Variants in ANKRD55 observed in about 807,000 individuals in gnomAD.
The protein encoded by ANKRD55 is ankyrin repeat domain 55.
ANKRD55 carries 41 observed loss-of-function variants against 60.6 expected under a neutral mutation model. The observed-to-expected ratio is 0.68, with a 90% CI of 0.53 to 0.88. The LOEUF (loss-of-function observed/expected upper bound fraction) is 0.88. ANKRD55 is among the 40% of genes least tolerant of loss of function. The probability of loss-of-function intolerance (pLI) is 0.00; values close to 1 mark genes in which losing one functional copy is unlikely to be tolerated. For synonymous variants in ANKRD55, 264 were observed against 290.3 expected (o/e 0.91, Z 0.92); for missense variants, 732 against 767.6 (o/e 0.95, Z 0.55).
chr5:56,131,461 G>A (rs867098541), intron 7 of ANKRD55, among the ~76,000 whole-genome samples: 1 of 152,044 alleles, frequency 6.6e-6, no homozygotes, highest in Non-Finnish European at 1.5e-5. Context: ...CAAAAATTGA[G>A]GGAATTTGTT....
At chr5:56,119,964 C>T (rs73126470) in intron 8 of ANKRD55, among the ~76,000 whole-genome samples, 4,746 of 151,862 alleles carry the variant, frequency 0.031, 254 homozygotes, top group African/African-American at 0.11. Flanking sequence ...TGTCTATATG[C>T]GTATTTTGGT....
At chr5:56,227,852 A>G (rs1760158067) in intron 2 of ANKRD55, among the ~76,000 whole-genome samples, 1 of 152,210 alleles carries the variant, frequency 6.6e-6, no homozygotes, top group Non-Finnish European at 1.5e-5. Context: ...TCCTTAGGAC[A>G]GAGCCTGGAT....
intron 2 of ANKRD55, among the ~76,000 whole-genome samples, chr5:56,209,518 G>A (rs1307089835): frequency 2.7e-5 from 4 of 148,966 alleles, no homozygotes; most frequent in African/African-American, 9.9e-5. Context: ...CCAGGCCAGA[G>A]TGCAGTGGTG....
At chr5:56,145,989 G>C (rs1405673505) in intron 6 of ANKRD55, among the ~76,000 whole-genome samples, 1 of 152,126 alleles carries the variant, frequency 6.6e-6, no homozygotes, top group Non-Finnish European at 1.5e-5. Flanking sequence ...ACTGGGGTTA[G>C]AAATCTAACA....
chr5:56,130,469 C>T (rs1359256810), intron 7 of ANKRD55, among the ~76,000 whole-genome samples: 1 of 152,152 alleles, frequency 6.6e-6, no homozygotes, highest in Non-Finnish European at 1.5e-5. Flanking sequence ...CACTAAAAGA[C>T]AGGGACCAAA....
chr5:56,188,341 C>G (rs748328170), intron 2 of ANKRD55, among the ~76,000 whole-genome samples: 1 of 150,126 alleles, frequency 6.7e-6, no homozygotes. Flanking sequence ...TCTGCCCTGC[C>G]CCCGCAACCC....
chr5:56,159,853 T>A lies in ANKRD55; in HGVS notation c.463A>T (p.Ile155Phe), dbSNP rs1449926492. The change falls in exon 6 of 12, where the codon ATT becomes TTT. Residue 155 changes from isoleucine (I) to phenylalanine (F), a missense_variant. Ile to Phe is a conservative substitution (Grantham distance 21). This residue lies in a region of ANKRD55 where 597 missense variants were observed against 607.5 expected (regional missense o/e 0.98). Transcript: ENST00000341048. Reference protein sequence around the residue: ...VLLQQSNISEINHQDNEGMTP... With the variant: ...VLLQQSNISEFNHQDNEGMTP... ...CTCACCTCATTGTCCTGGTGATTAA[T>A]CTCGCTGATGTTCGACTGTTGCAAC... 14 of 1,613,850 alleles carry A rather than the reference T, an allele frequency of 8.7e-6. No homozygotes were observed. Among genetic ancestry groups the A allele is most frequent in the Non-Finnish European group, 1.2e-5 (14 of 1,179,912 alleles).
chr5:56,148,840 T>C (rs160923), intron 6 of ANKRD55, among the ~76,000 whole-genome samples: 148,926 of 151,698 alleles, frequency 0.98, 73,113 homozygotes, highest in East Asian at 1. Context: ...CGGTTCGGGG[T>C]GGGGTGGTGG....
intron 6 of ANKRD55, among the ~76,000 whole-genome samples, chr5:56,153,993 C>T (rs983961627): frequency 4.6e-5 from 7 of 151,196 alleles, no homozygotes; most frequent in African/African-American, 7.3e-5. Context: ...GGGTGGGTCA[C>T]GAGGTCAGGA....
Position 56,112,509 on chromosome 5 carries a change from A to AC in ANKRD55, c.966-728_966-727insG, listed in dbSNP as rs1163075862. ...TGGCAGGATCTCATCTCTAGCAAAA[A>AC]AAAAAAAAAAAAACAACCAAGGAAA... On this transcript the variant is annotated intron_variant, in intron 9 of 11. Transcript: ENST00000341048. Among the ~76,000 whole-genome samples, 386 of 146,506 alleles carry AC rather than the reference A, an allele frequency of 2.6e-3. 17 individuals are homozygous for AC. Among genetic ancestry groups the AC allele is most frequent in the African/African-American group, 9.1e-3 (356 of 39,216 alleles).
chr5:56,186,162 TTTTG>T (rs1224759032), intron 2 of ANKRD55, among the ~76,000 whole-genome samples: 2 of 152,062 alleles, frequency 1.3e-5, no homozygotes, highest in African/African-American at 2.4e-5. Context: ...GTTTCCTTGT[TTTTG>T]TTTGTTTGTT....
chr5:56,125,073 A>T (rs1486967762), intron 8 of ANKRD55, among the ~76,000 whole-genome samples: 2 of 152,104 alleles, frequency 1.3e-5, no homozygotes, highest in African/African-American at 2.4e-5. Flanking sequence ...AGTGGGTGGT[A>T]TTGCAAAATG....
intron 10 of ANKRD55, among the ~76,000 whole-genome samples, chr5:56,107,258 G>T (rs1756509068): frequency 6.6e-6 from 1 of 152,044 alleles, no homozygotes; most frequent in African/African-American, 2.4e-5. Flanking sequence ...TCATGACTCA[G>T]TTGCCTAGAA....
At chr5:56,164,370 G>T (rs1393916726) in intron 5 of ANKRD55, among the ~76,000 whole-genome samples, 1 of 152,126 alleles carries the variant, frequency 6.6e-6, no homozygotes, top group Non-Finnish European at 1.5e-5. Flanking sequence ...CCCTGGAGCT[G>T]CCTGTATTAG....
intron 2 of ANKRD55, among the ~76,000 whole-genome samples, chr5:56,190,772 C>A (rs777068823): frequency 3.0e-4 from 46 of 152,290 alleles, no homozygotes; most frequent in South Asian, 1.2e-3. Flanking sequence ...GGAAATCAGG[C>A]CAAACTCATT....
chr5:56,138,477 A>G (rs1426715682), intron 7 of ANKRD55, among the ~76,000 whole-genome samples: 1 of 152,180 alleles, frequency 6.6e-6, no homozygotes, highest in Admixed American at 6.6e-5. Flanking sequence ...AGATCCAGCA[A>G]CTGTGCTCCT....
In ANKRD55 at chr5:56,143,856, G is replaced by A; in HGVS notation, c.557C>T (p.Ala186Val). Residue 186 changes from alanine (A) to valine (V), a missense_variant, in exon 7 of 12, where the codon GCA (alanine) becomes GTA (valine). This residue lies in a region of ANKRD55 where 597 missense variants were observed against 607.5 expected (regional missense o/e 0.98). Coordinates refer to ENST00000341048, the MANE Select transcript of ANKRD55 (RefSeq NM_024669.3). Reference sequence around the variant, plus strand: ...GTCTTTATCCACAAGGGTGGGGTCTGCCCCCTTCTTCAGCAGCATTTGTGT... The same window carrying A: ...GTCTTTATCCACAAGGGTGGGGTCTACCCCCTTCTTCAGCAGCATTTGTGT... Reference protein sequence around the residue: ...QHTQMLLKKGADPTLVDKDFK... With the variant: ...QHTQMLLKKGVDPTLVDKDFK... 6.2e-7 allele frequency: 1 copy of A among 1,614,156 alleles called. No homozygotes were observed. Among genetic ancestry groups the A allele is most frequent in the Non-Finnish European group, 8.5e-7 (1 of 1,180,028 alleles).
intron 7 of ANKRD55, among the ~76,000 whole-genome samples, chr5:56,135,346 TCTTTCTTTCTTTCTTTCTTTC>T (rs1757559421): frequency 1.4e-4 from 3 of 21,490 alleles, no homozygotes; most frequent in South Asian, 1.3e-3. Flanking sequence ...TTTCTTTCTT[TCTTTCTTTCTTTCTTTCTTTC>T]CTTCTTTCTT....
intron 2 of ANKRD55, among the ~76,000 whole-genome samples, chr5:56,229,102 T>A (rs1048153938): frequency 6.7e-6 from 1 of 150,094 alleles, no homozygotes; most frequent in Non-Finnish European, 1.5e-5. Context: ...TGTTTTTTTT[T>A]TTTTTTTTCC....
Sources: gnomAD v4.1 joint callset for allele counts (sites outside exome capture counted in the v4.1 genomes callset) on GRCh38, gnomAD v4.1.1 for gene constraint, gnomAD v4.1.1 regional missense constraint, MANE v1.5 for transcripts, NCBI Gene and HGNC (gene_info 2026-07-23, HGNC 2026-07-21) for gene names.